Variants in ZNF382 observed in about 807,000 individuals in gnomAD.
ZNF382 encodes zinc finger protein 382, also known as KRAB/zinc finger suppressor protein 1.
In ZNF382, 20 loss-of-function variants were observed where a neutral mutation model predicts 38.8. That is an observed-to-expected ratio of 0.51 (90% CI 0.36 to 0.75). ZNF382 has a LOEUF of 0.75. Ranked by LOEUF, ZNF382 falls within the 30% of genes least tolerant of loss-of-function variation. The probability of loss-of-function intolerance (pLI) is 0.00; values close to 1 mark genes in which losing one functional copy is unlikely to be tolerated. For synonymous variants in ZNF382, 202 were observed against 223.1 expected (o/e 0.91, Z 0.84); for missense variants, 546 against 654.1 (o/e 0.83, Z 1.80).
intron 4 of ZNF382, among the ~76,000 whole-genome samples, chr19:36,612,593 G>C: frequency 6.6e-6 from 1 of 152,214 alleles, no homozygotes; most frequent in Admixed American, 6.5e-5. Context: ...AGCACTGTAT[G>C]AGAATGTTGA....
At chr19:36,621,803 G>A (rs181094418) in intron 4 of ZNF382, among the ~76,000 whole-genome samples, 20 of 152,182 alleles carry the variant, frequency 1.3e-4, no homozygotes, top group African/African-American at 4.1e-4. Flanking sequence ...TGGGGATTTC[G>A]GAACCTGTCC....
Position 36,610,045 on chromosome 19 carries a change from T to C in ZNF382, c.131T>C (p.Val44Ala). The change falls in exon 3 of 5, where the codon GTA (valine) becomes GCA (alanine). Residue 44 changes from valine to alanine, a missense_variant. By Grantham distance (64) the Val-to-Ala change is moderately conservative. Transcript: ENST00000292928. ...DVMLENYCHF[V>A]SVGFHMAKPD... is the part of the protein sequence containing the mutation. Reference sequence around the variant, plus strand: ...ATGTTGGAAAACTATTGCCACTTCGTATCTGTGGGTAAGAAACACTCCTGA... The same window carrying C: ...ATGTTGGAAAACTATTGCCACTTCGCATCTGTGGGTAAGAAACACTCCTGA... 2 of 1,613,508 alleles carry C rather than the reference T, an allele frequency of 1.2e-6. No homozygotes were observed. Among genetic ancestry groups the C allele is most frequent in the Non-Finnish European group, 8.5e-7 (1 of 1,179,822 alleles).
chr19:36,626,780 C>A lies in ZNF382; in HGVS notation c.883C>A (p.Pro295Thr), dbSNP rs1214622103. 1 of 1,614,216 alleles carries A rather than the reference C, an allele frequency of 6.2e-7. No homozygotes were observed. Among genetic ancestry groups the A allele is most frequent in the Admixed American group, 1.7e-5 (1 of 60,026 alleles). ...TCAGAGACCTCAAACAGAAGAGAAA[C>A]CCTTTCACTGTCCTTACTGTGGGAA... is the stretch of plus-strand genomic sequence containing the variant. ...MPQRPQTEEK[P>T]FHCPYCGNNF... Residue 295 changes from proline (P) to threonine (T), a missense_variant, in exon 5 of 5, where the codon CCC becomes ACC. Transcript: ENST00000292928.
chr19:36,627,681 A>AACACAC lies in ZNF382; in HGVS notation c.*155_*160dup, dbSNP rs10669183. 539 of 533,020 alleles carry AACACAC rather than the reference A, an allele frequency of 1.0e-3. No homozygotes were observed. The highest frequency in any genetic ancestry group is 3.4e-3 in the African/African-American group (176 of 51,372). The allele number at this position is 533,020 out of a possible 1,614,324, so 33.0% of individuals were successfully genotyped here. A position where few individuals can be genotyped will look rare whatever the true frequency, so the allele number is the denominator to read the frequency against. On this transcript the variant is annotated 3_prime_UTR_variant, in exon 5 of 5. Transcript: ENST00000292928. ...TAACCTACTGTTTGCCAGCCTGTAAAACACACACACACACACACACACACA... is the reference window on the plus strand; with the variant it reads ...TAACCTACTGTTTGCCAGCCTGTAAAACACACACACACACACACACACACACACACA...
chr19:36,610,920 C>A (rs2037072322), intron 4 of ZNF382, among the ~76,000 whole-genome samples, 178 bp downstream of exon 4: 1 of 152,138 alleles, frequency 6.6e-6, no homozygotes, highest in South Asian at 2.1e-4. Flanking sequence ...GTTGTGCAAC[C>A]ATCACCACCA....
chr19:36,633,981 A>G lies in ZNF382; in HGVS notation c.*6431A>G, dbSNP rs1379671885. On this transcript the variant is annotated 3_prime_UTR_variant, in exon 5 of 5. Transcript: ENST00000292928. The stretch of plus-strand genomic sequence containing the variant: ...CGAGGCAATTCTTTGAGGTGTTGGA[A>G]TTGTTTTGTATCCTGCTTGTGGTCA... 2 of 152,106 alleles carry G rather than the reference A, an allele frequency of 1.3e-5. No homozygotes were observed. Among genetic ancestry groups the G allele is most frequent in the Non-Finnish European group, 2.9e-5 (2 of 68,014 alleles). 9.4% of individuals were successfully genotyped at this position (152,106 alleles called of 1,614,324 possible).
rs773053701 is a variant in ZNF382 at position 36,632,905 on chromosome 19, G to A, written c.*5355G>A. 7.2e-5 allele frequency: 11 copies of A among 152,310 alleles called. No individual in the cohort carries two copies. The highest frequency in any genetic ancestry group is 1.5e-4 in the Non-Finnish European group (10 of 68,054). 9.4% of individuals were successfully genotyped at this position (152,310 alleles called of 1,614,324 possible). ...GCTAATGCTTGAATTTCTCCACTCA[G>A]TTTCTGGTCTAGCAATAGAGCCAGG... On this transcript the variant is annotated 3_prime_UTR_variant, in exon 5 of 5. Coordinates refer to ENST00000292928, the MANE Select transcript of ZNF382 (RefSeq NM_032825.5).
At position 36,627,478 on chromosome 19, in the gene ZNF382, G is replaced by C. The variant is rs1448729970; in HGVS notation, c.1581G>C (p.Lys527Asn). The change falls in exon 5 of 5, where the codon AAG becomes AAC. Residue 527 changes from lysine (K) to asparagine (N), a missense_variant. Coordinates refer to ENST00000292928, the MANE Select transcript of ZNF382 (RefSeq NM_032825.5). ...CATATGAATGTAAACAGTGTGGGAA[G>C]TTCTTCAGTTGTAAGTCAAACCTCA... Reference protein sequence around the residue: ...EKPYECKQCGKFFSCKSNLIV... With the variant: ...EKPYECKQCGNFFSCKSNLIV... The C allele has an allele frequency of 6.2e-7, 1 of 1,614,134 alleles. No homozygotes were observed. The highest frequency in any genetic ancestry group is 1.1e-5 in the South Asian group (1 of 91,088).
chr19:36,624,799 C>T (rs551739141), intron 4 of ZNF382, among the ~76,000 whole-genome samples: 2 of 151,858 alleles, frequency 1.3e-5, no homozygotes, highest in South Asian at 2.1e-4. Context: ...CTACAGTTTC[C>T]GGGCACTGTG....
intron 4 of ZNF382, among the ~76,000 whole-genome samples, chr19:36,625,313 T>C: frequency 6.6e-6 from 1 of 151,520 alleles, no homozygotes; most frequent in East Asian, 1.9e-4. Context: ...GGAAATGAGC[T>C]GAGAAAGTTC....
intron 4 of ZNF382, among the ~76,000 whole-genome samples, chr19:36,614,875 T>C (rs1261203538): frequency 3.0e-5 from 4 of 133,998 alleles, no homozygotes; most frequent in South Asian, 2.6e-4. Flanking sequence ...TTTCTTTCTT[T>C]CTTTCTTCCT....
intron 3 of ZNF382, 58 bp from the exon 4 acceptor site, chr19:36,610,592 C>A: frequency 7.1e-7 from 1 of 1,413,508 alleles, no homozygotes. Context: ...CTTTATCTTA[C>A]TTCAATAGTT....
At chr19:36,608,585 G>A (rs940522167) in intron 2 of ZNF382, 7 of 152,004 alleles carry the variant, frequency 4.6e-5, no homozygotes, top group African/African-American at 1.7e-4. Context: ...TTCACAGTCC[G>A]TTTTTCTCTA....
At position 36,626,599 on chromosome 19, in the gene ZNF382, C is replaced by G. The variant is rs764018701; in HGVS notation, c.702C>G (p.His234Gln). Residue 234 changes from histidine to glutamine, a missense_variant, in exon 5 of 5, where the codon CAC (histidine) becomes CAG (glutamine). Coordinates refer to ENST00000292928, the MANE Select transcript of ZNF382 (RefSeq NM_032825.5). ...KGMLFTHTRAHRGERTFEYNK... is the reference protein window; with the variant it reads ...KGMLFTHTRAQRGERTFEYNK... ...TGCTATTTACACATACTAGAGCTCACAGAGGAGAAAGAACCTTTGAATACA... is the reference window on the plus strand; with the variant it reads ...TGCTATTTACACATACTAGAGCTCAGAGAGGAGAAAGAACCTTTGAATACA... The G allele has an allele frequency of 2.5e-6, 4 of 1,614,022 alleles. No homozygotes were observed. In the Admixed American group the frequency reaches 6.7e-5, roughly 27 times the overall value.
At chr19:36,624,880 C>T (rs193021006) in intron 4 of ZNF382, among the ~76,000 whole-genome samples, 49 of 149,742 alleles carry the variant, frequency 3.3e-4, no homozygotes, top group African/African-American at 1.1e-3. Context: ...GCCTGGGCAA[C>T]ATAGGAAGAT....
chr19:36,626,963 G>A lies in ZNF382; in HGVS notation c.1066G>A (p.Asp356Asn), dbSNP rs766247460. 8 of 1,614,136 alleles carry A rather than the reference G, an allele frequency of 5.0e-6. No homozygotes were observed. The highest frequency in any genetic ancestry group is 2.7e-5 in the African/African-American group (2 of 75,026). Residue 356 changes from aspartate (D) to asparagine (N), a missense_variant, in exon 5 of 5, where the codon GAT (aspartate) becomes AAT (asparagine). Coordinates refer to ENST00000292928, the MANE Select transcript of ZNF382 (RefSeq NM_032825.5). ...HIEGKPFICIDCGKSFRQKAT... is the reference protein window; with the variant it reads ...HIEGKPFICINCGKSFRQKAT... ...AGAGGGGAAACCCTTTATTTGTATCGATTGTGGGAAGTCCTTCCGCCAGAA... is the reference window on the plus strand; with the variant it reads ...AGAGGGGAAACCCTTTATTTGTATCAATTGTGGGAAGTCCTTCCGCCAGAA...
At position 36,627,683 on chromosome 19, in the gene ZNF382, C is replaced by CAG. The variant is rs769575638; in HGVS notation, c.*134_*135insGA. 7.5e-6 allele frequency: 2 copies of CAG among 268,024 alleles called. No homozygotes were observed. The highest frequency in any genetic ancestry group is 1.4e-5 in the Non-Finnish European group (2 of 141,372). 16.6% of individuals were successfully genotyped at this position (268,024 alleles called of 1,614,324 possible). On this transcript the variant is annotated 3_prime_UTR_variant, in exon 5 of 5. Coordinates refer to ENST00000292928, the MANE Select transcript of ZNF382 (RefSeq NM_032825.5). ...ACCTACTGTTTGCCAGCCTGTAAAA[C>CAG]ACACACACACACACACACACACACA...
chr19:36,608,231 TTTGA>T (rs2037049998), intron 2 of ZNF382: 2 of 152,252 alleles, frequency 1.3e-5, no homozygotes. Context: ...AGGATAGCAA[TTTGA>T]TTGCAGGCTT....
intron 4 of ZNF382, among the ~76,000 whole-genome samples, chr19:36,624,675 A>C (rs2037195971): frequency 6.6e-6 from 1 of 152,186 alleles, no homozygotes; most frequent in South Asian, 2.1e-4. Context: ...GCTGAAAAGA[A>C]GTAATTTGGC....
Sources: gnomAD v4.1 joint callset for allele counts (sites outside exome capture counted in the v4.1 genomes callset) on GRCh38, gnomAD v4.1.1 for gene constraint, MANE v1.5 for transcripts, NCBI Gene and HGNC (gene_info 2026-07-23, HGNC 2026-07-21) for gene names.